The following MED12L variants were observed in gnomAD, a reference collection of about 807,000 sequenced individuals.
MED12L encodes mediator of RNA polymerase II transcription subunit 12-like protein.
A neutral mutation model predicts 281.3 loss-of-function variants in MED12L; 60 were observed. That is an observed-to-expected ratio of 0.21 (90% CI 0.17 to 0.26). The LOEUF is 0.26. Ranked by LOEUF, MED12L falls within the 10% of genes least tolerant of loss-of-function variation. MED12L has a pLI of 1.00. For synonymous variants in MED12L, 974 were observed against 987.2 expected (o/e 0.99, Z 0.25); for missense variants, 2,146 against 2,680.9 (o/e 0.80, Z 4.41).
chr3:151,156,126 C>A, intron 5 of MED12L, 35 bp from the exon 6 acceptor site: 2 of 1,548,402 alleles, frequency 1.3e-6, no homozygotes, highest in Non-Finnish European at 8.8e-7. Flanking sequence ...CCCATTGTGT[C>A]TAGAAACTCA....
intron 44 of MED12L, 120 bp downstream of exon 44, chr3:151,430,500 T>C (rs929928717): frequency 7.0e-7 from 1 of 1,435,064 alleles, no homozygotes; most frequent in Non-Finnish European, 9.3e-7. Context: ...ATGTTCATGT[T>C]ATTTGGTTTA....
chr3:151,393,591 T>G (rs948123583), intron 38 of MED12L, among the ~76,000 whole-genome samples: 1 of 151,416 alleles, frequency 6.6e-6, no homozygotes, highest in East Asian at 2.0e-4. Flanking sequence ...GAGCAAATTA[T>G]GAGGGAGACC....
intron 43 of MED12L, among the ~76,000 whole-genome samples, chr3:151,421,398 GTTT>G (rs59213541): frequency 6.9e-6 from 1 of 145,214 alleles, no homozygotes; most frequent in African/African-American, 2.6e-5. Flanking sequence ...GCTTTACTGT[GTTT>G]TTTTTTTTTG....
rs59666614 is a variant in MED12L at position 151,191,842 on chromosome 3, G to A, written c.1969-708G>A. Among the ~76,000 whole-genome samples the A allele has an allele frequency of 8.2e-3, 1,253 of 152,068 alleles. 20 individuals carry two copies. The highest frequency in any genetic ancestry group is 0.028 in the African/African-American group (1,175 of 41,454). On this transcript the variant is annotated intron_variant, in intron 14 of 44. Transcript: ENST00000687756. ...AATTGCTTGAACCCGGGAGGTGGAG[G>A]TTGCAGTGAGCCGAGATTGCGCCAT...
Position 151,357,220 on chromosome 3 carries a change from A to G in MED12L, c.2669A>G (p.Asn890Ser), listed in dbSNP as rs369808691. The change falls in exon 20 of 45, where the codon AAT (asparagine) becomes AGT (serine). Residue 890 changes from asparagine to serine, a missense_variant. By Grantham distance (46) the Asn-to-Ser change is conservative (BLOSUM62 1). This residue lies in a region of MED12L where 404 missense variants were observed against 603.5 expected (regional missense o/e 0.67). Coordinates refer to ENST00000687756, the MANE Select transcript of MED12L (RefSeq NM_001393769.1). Reference protein sequence around the residue: ...GLIDFAIQLLNELSVVEAELL... With the variant: ...GLIDFAIQLLSELSVVEAELL... ...TCTTTTCTCCTGTTACAGTTACTAA[A>G]TGAACTGAGTGTTGTGGAAGCTGAA... 1.9e-6 allele frequency: 3 copies of G among 1,601,306 alleles called. No individual in the cohort carries two copies. Among genetic ancestry groups the G allele is most frequent in the African/African-American group, 2.7e-5 (2 of 74,366 alleles).
chr3:151,257,389 A>G (rs1738018112), intron 16 of MED12L, among the ~76,000 whole-genome samples: 1 of 152,220 alleles, frequency 6.6e-6, no homozygotes, highest in South Asian at 2.1e-4. Context: ...TATCTGAATG[A>G]TTAAGAGCAT....
intron 32 of MED12L, 30 bp downstream of exon 32, chr3:151,380,254 A>C (rs1421823544): frequency 1.4e-6 from 2 of 1,387,364 alleles, no homozygotes; most frequent in Non-Finnish European, 2.0e-6. Flanking sequence ...TAAGACAGGC[A>C]AATATCTTTC....
In MED12L at chr3:151,121,502, TTAAC is replaced by T. The variant is rs370243074; in HGVS notation, c.205-1277_205-1274del. 9.2e-5 allele frequency among the ~76,000 whole-genome samples: 14 copies of T among 152,334 alleles called. No homozygotes were observed. The East Asian group carries it at 1.7e-3, about 19-fold the overall frequency. On this transcript the variant is annotated intron_variant, in intron 3 of 44. Transcript: ENST00000687756. Reference sequence around the variant, plus strand: ...TATAGACTAATTGTTTATTGACTCATTAACTAAGGTGGTGATTCTTATTTTGCTT... The same window carrying T: ...TATAGACTAATTGTTTATTGACTCATTAAGGTGGTGATTCTTATTTTGCTT...
intron 11 of MED12L, among the ~76,000 whole-genome samples, chr3:151,183,149 T>C (rs1441082704): frequency 6.6e-6 from 1 of 152,250 alleles, no homozygotes; most frequent in African/African-American, 2.4e-5. Context: ...GTTTTTCTTT[T>C]GCATGATAAA....
chr3:151,273,402 A>ATTTTT (rs531443713), intron 16 of MED12L, among the ~76,000 whole-genome samples: 6 of 113,628 alleles, frequency 5.3e-5, no homozygotes, highest in Non-Finnish European at 1.0e-4. Context: ...TAATTTTTGT[A>ATTTTT]TTTTTTTTTT....
rs112461655 is a variant in MED12L at position 151,305,078 on chromosome 3, G to T, written c.2251-44981G>T. Among the ~76,000 whole-genome samples, 1,029 of 152,252 alleles carry T rather than the reference G, an allele frequency of 6.8e-3. 9 individuals carry two copies. Among genetic ancestry groups the T allele is most frequent in the South Asian group, 0.024 (114 of 4,826 alleles). On this transcript the variant is annotated intron_variant, in intron 16 of 44. Coordinates refer to ENST00000687756, the MANE Select transcript of MED12L (RefSeq NM_001393769.1). The stretch of plus-strand genomic sequence containing the variant: ...AGCCTTACCTGCCTGCTGTCTTTCT[G>T]AATGATCAGTGCCTCAGCTTCAGCG...
In MED12L at chr3:151,300,067, T is replaced by G. The variant is rs141290943; in HGVS notation, c.2251-49992T>G. On this transcript the variant is annotated intron_variant, in intron 16 of 44. Transcript: ENST00000687756. ...CTTTGTATCTCTTACGACGGCTTACTTGGTAATTTTGCAAGCGTCAAGTTG... is the reference window on the plus strand; with the variant it reads ...CTTTGTATCTCTTACGACGGCTTACGTGGTAATTTTGCAAGCGTCAAGTTG... 3.7e-4 allele frequency: 584 copies of G among 1,594,434 alleles called. 5 individuals are homozygous for G. In the African/African-American group the frequency reaches 6.9e-3, roughly 19 times the overall value.
At chr3:151,156,897 A>C (rs1383931719) in intron 6 of MED12L, among the ~76,000 whole-genome samples, 2 of 152,202 alleles carry the variant, frequency 1.3e-5, no homozygotes, top group African/African-American at 4.8e-5. Context: ...TTCAAGTCTT[A>C]TTATTAGCAG....
chr3:151,225,779 G>A (rs1374550155), intron 16 of MED12L, among the ~76,000 whole-genome samples: 4 of 152,048 alleles, frequency 2.6e-5, no homozygotes, highest in African/African-American at 7.2e-5. Flanking sequence ...CACAGCATTT[G>A]ATGTTTGACA....
intron 16 of MED12L, among the ~76,000 whole-genome samples, chr3:151,222,245 G>A (rs114034004): frequency 0.042 from 6,372 of 152,290 alleles, 174 homozygotes; most frequent in Middle Eastern, 0.088. Context: ...GACTTGCCTT[G>A]TCTGGGATGA....
intron 5 of MED12L, among the ~76,000 whole-genome samples, chr3:151,131,692 C>T (rs1362569394): frequency 6.6e-6 from 1 of 151,826 alleles, no homozygotes; most frequent in Non-Finnish European, 1.5e-5. Flanking sequence ...CTGGGAAATC[C>T]CAGATATGAG....
At chr3:151,383,633 T>G in intron 33 of MED12L, 146 bp from the exon 34 acceptor site, 1 of 576,524 alleles carries the variant, frequency 1.7e-6, no homozygotes. Context: ...AACATGTAGG[T>G]AAAAGAGAAA....
chr3:151,190,533 G>T (rs187619250), intron 13 of MED12L, among the ~76,000 whole-genome samples, 184 bp from the exon 14 acceptor site: 2 of 152,172 alleles, frequency 1.3e-5, no homozygotes, highest in Non-Finnish European at 2.9e-5. Flanking sequence ...CAGTTATGGT[G>T]GGACAATCAA....
chr3:151,119,348 A>G lies in MED12L; in HGVS notation c.204+2906A>G, dbSNP rs139232112. Reference sequence around the variant, plus strand: ...AACAACAGAAATTTATTTTCTCACTATCTGAAGGCTGGAAGTCCAAGATAA... The same window carrying G: ...AACAACAGAAATTTATTTTCTCACTGTCTGAAGGCTGGAAGTCCAAGATAA... On this transcript the variant is annotated intron_variant, in intron 3 of 44. Transcript: ENST00000687756. 1.7e-3 allele frequency among the ~76,000 whole-genome samples: 260 copies of G among 152,284 alleles called. 2 individuals carry two copies. Among genetic ancestry groups the G allele is most frequent in the Admixed American group, 0.012 (180 of 15,290 alleles).
Sources: allele counts gnomAD v4.1 joint callset (sites outside exome capture counted in the v4.1 genomes callset), GRCh38; gene constraint gnomAD v4.1.1; regional missense constraint gnomAD v4.1.1; transcripts MANE v1.5; gene names NCBI Gene and HGNC (gene_info 2026-07-23, HGNC 2026-07-21).